ALKBH8: variants seen among roughly 807,000 people sequenced by gnomAD.
ALKBH8 encodes alkB homolog 8, tRNA methyltransferase.
Under a neutral mutation model 59.8 loss-of-function variants are expected in ALKBH8, and 36 were observed. The observed-to-expected ratio is 0.60, with a 90% confidence interval of 0.46 to 0.79. The LOEUF is 0.79. ALKBH8 is among the 30% of genes least tolerant of loss of function. The probability of loss-of-function intolerance (pLI) is 0.00; values close to 1 mark genes in which losing one functional copy is unlikely to be tolerated. For synonymous variants in ALKBH8, 276 were observed against 273.6 expected (o/e 1.01, Z -0.09); for missense variants, 768 against 801.0 (o/e 0.96, Z 0.50).
chr11:107,550,812 A>G (rs1258679914), intron 6 of ALKBH8, among the ~76,000 whole-genome samples: 1 of 152,196 alleles, frequency 6.6e-6, no homozygotes, highest in East Asian at 1.9e-4. Context: ...GCACATGCAC[A>G]CACAGAGAAA....
chr11:107,543,226 G>T (rs999298410), intron 7 of ALKBH8, among the ~76,000 whole-genome samples: 6 of 151,842 alleles, frequency 4.0e-5, no homozygotes, highest in African/African-American at 1.5e-4. Context: ...AATCCCAGCT[G>T]CTTGGAAGGC....
At position 107,525,455 on chromosome 11, in the gene ALKBH8, G is replaced by C. The variant is rs1415860409; in HGVS notation, c.1016C>G (p.Thr339Arg). Residue 339 changes from threonine (T) to arginine (R), a missense_variant, in exon 9 of 12, where the codon ACA becomes AGA. Transcript: ENST00000428149. ...TATATACTTACTACAGTTACAAGGT[G>C]TTTGCCTCACTTTCCTAAATGTAAA... ...TSFTFRKVRQTPCNCSYPLVC... is the reference protein window; with the variant it reads ...TSFTFRKVRQRPCNCSYPLVC... 6.5e-7 allele frequency: 1 copy of C among 1,544,938 alleles called. No individual in the cohort carries two copies. The highest frequency in any genetic ancestry group is 1.4e-5 in the African/African-American group (1 of 72,312).
At position 107,504,220 on chromosome 11, in the gene ALKBH8, G is replaced by A. The variant is rs921264497; in HGVS notation, c.*438C>T. 4 of 395,270 alleles carry A rather than the reference G, an allele frequency of 1.0e-5. No homozygotes were observed. The highest frequency in any genetic ancestry group is 8.4e-5 in the African/African-American group (4 of 47,682). The allele number at this position is 395,270 out of a possible 1,614,324, so 24.5% of individuals were successfully genotyped here. A position where few individuals can be genotyped will look rare whatever the true frequency, so the allele number is the denominator to read the frequency against. On this transcript the variant is annotated 3_prime_UTR_variant, in exon 12 of 12. Transcript: ENST00000428149. The stretch of plus-strand genomic sequence containing the variant: ...TGGAAATAGAATGGTTATTGTCTAT[G>A]ATTTTACAGAGCTAAAAATCATAGG...
chr11:107,512,449 G>A (rs1284854734), intron 10 of ALKBH8, among the ~76,000 whole-genome samples: 1 of 151,996 alleles, frequency 6.6e-6, no homozygotes, highest in East Asian at 1.9e-4. Flanking sequence ...AAGTAGCTGG[G>A]GGTACAGGTG....
chr11:107,518,083 C>G (rs689199), intron 10 of ALKBH8, among the ~76,000 whole-genome samples: 145,588 of 152,212 alleles, frequency 0.96, 69,803 homozygotes, highest in African/African-American at 0.99. Flanking sequence ...AAATAAAATA[C>G]AGAAAAAATA....
chr11:107,512,805 A>C lies in ALKBH8; in HGVS notation c.1288-1769T>G, dbSNP rs547315951. ...CTGATCCTCAGCCCTTCTGAGAATA[A>C]AGACTATGAATGCTCATATCAAAAC... On this transcript the variant is annotated intron_variant, in intron 10 of 11. Coordinates refer to ENST00000428149, the MANE Select transcript of ALKBH8 (RefSeq NM_138775.3). Among the ~76,000 whole-genome samples the C allele has an allele frequency of 8.5e-5, 13 of 152,294 alleles. No individual in the cohort carries two copies. The South Asian group carries it at 2.7e-3, about 32-fold the overall frequency.
chr11:107,525,524 T>C lies in ALKBH8; in HGVS notation c.947A>G (p.Asp316Gly). The stretch of plus-strand genomic sequence containing the variant: ...CTTGCTTAAAGTTAAGTCTCCAACA[T>C]CACTGGTGATAATTCCACTTTTAAG... ...ESLKSGIITS[D>G]VGDLTLSKRG... The change falls in exon 9 of 12, where the codon GAT becomes GGT. Residue 316 changes from aspartate (D) to glycine (G), a missense_variant. Physicochemically the swap from Asp to Gly is moderately conservative, Grantham distance 94. Transcript: ENST00000428149. 6.5e-7 allele frequency: 1 copy of C among 1,536,786 alleles called. No homozygotes were observed. The highest frequency in any genetic ancestry group is 8.8e-7 in the Non-Finnish European group (1 of 1,141,102).
In ALKBH8 at chr11:107,504,230, A is replaced by C; in HGVS notation, c.*428T>G. On this transcript the variant is annotated 3_prime_UTR_variant, in exon 12 of 12. Coordinates refer to ENST00000428149, the MANE Select transcript of ALKBH8 (RefSeq NM_138775.3). ...ATGGTTATTGTCTATGATTTTACAG[A>C]GCTAAAAATCATAGGTAAAACTTCA... 2.4e-6 allele frequency: 1 copy of C among 415,222 alleles called. No homozygotes were observed. Among genetic ancestry groups the C allele is most frequent in the Non-Finnish European group, 4.2e-6 (1 of 236,976 alleles). The allele number at this position is 415,222 out of a possible 1,614,324, so 25.7% of individuals were successfully genotyped here.
intron 7 of ALKBH8, among the ~76,000 whole-genome samples, chr11:107,544,806 A>G (rs1159297865): frequency 1.4e-5 from 2 of 140,830 alleles, no homozygotes; most frequent in African/African-American, 5.3e-5. Flanking sequence ...CCATGGCTTT[A>G]GATACAAACC....
In ALKBH8 at chr11:107,505,143, A is replaced by G; in HGVS notation, c.1510T>C (p.Trp504Arg). 1 of 1,551,356 alleles carries G rather than the reference A, an allele frequency of 6.4e-7. No individual in the cohort carries two copies. Among genetic ancestry groups the G allele is most frequent in the Non-Finnish European group, 8.7e-7 (1 of 1,146,934 alleles). Reference protein sequence around the residue: ...RPGGKALIYVWAMEQEYNKQK... With the variant: ...RPGGKALIYVRAMEQEYNKQK... Reference sequence around the variant, plus strand: ...TTATTATATTCTTGTTCCATTGCCCAGACATAAATGAGTGCCTTCCCACCT... The same window carrying G: ...TTATTATATTCTTGTTCCATTGCCCGGACATAAATGAGTGCCTTCCCACCT... The change falls in exon 12 of 12, where the codon TGG (tryptophan) becomes CGG (arginine). Residue 504 changes from tryptophan to arginine, a missense_variant. Trp to Arg is a moderately radical substitution (Grantham distance 101). Transcript: ENST00000428149.
chr11:107,518,326 C>T (rs913858797), intron 10 of ALKBH8, among the ~76,000 whole-genome samples: 8 of 152,298 alleles, frequency 5.3e-5, no homozygotes, highest in African/African-American at 1.7e-4. Flanking sequence ...CTCAGAGTCT[C>T]ACTCTGTCAC....
chr11:107,510,719 T>C (rs1452835188), intron 11 of ALKBH8, among the ~76,000 whole-genome samples, 168 bp downstream of exon 11: 1 of 152,180 alleles, frequency 6.6e-6, no homozygotes, highest in Non-Finnish European at 1.5e-5. Flanking sequence ...ACTTAAACAG[T>C]TGCCCATCTT....
intron 11 of ALKBH8, among the ~76,000 whole-genome samples, chr11:107,507,040 A>T (rs958538079): frequency 6.6e-6 from 1 of 152,176 alleles, no homozygotes; most frequent in South Asian, 2.1e-4. Flanking sequence ...AATGTCAGAG[A>T]TACATGTTGT....
At chr11:107,564,294 T>C (rs1396015152) in intron 1 of ALKBH8, among the ~76,000 whole-genome samples, 1 of 152,162 alleles carries the variant, frequency 6.6e-6, no homozygotes, top group Admixed American at 6.5e-5. Context: ...ATGTACATCA[T>C]GCCCTCCTTG....
intron 11 of ALKBH8, among the ~76,000 whole-genome samples, chr11:107,510,227 CTATAAAGCT>C (rs1469464370): frequency 3.9e-5 from 6 of 152,114 alleles, no homozygotes; most frequent in Non-Finnish European, 8.8e-5. Flanking sequence ...ATAAGGTGAG[CTATAAAGCT>C]ATTGCATAAA....
Position 107,535,934 on chromosome 11 carries a change from G to T in ALKBH8, c.772-3528C>A, listed in dbSNP as rs144944358. On this transcript the variant is annotated intron_variant, in intron 7 of 11. Coordinates refer to ENST00000428149, the MANE Select transcript of ALKBH8 (RefSeq NM_138775.3). ...TGTTCTAAGAAACACAAGCAATCAA[G>T]TGTTAAATTAAATTTAGCCTAAAGT... Among the ~76,000 whole-genome samples the T allele has an allele frequency of 8.3e-4, 127 of 152,294 alleles. 1 individual carries two copies. The highest frequency in any genetic ancestry group is 6.8e-3 in the Middle Eastern group (2 of 294).
At chr11:107,559,975 C>CA (rs1431814350) in intron 2 of ALKBH8, among the ~76,000 whole-genome samples, 1 of 151,990 alleles carries the variant, frequency 6.6e-6, no homozygotes, top group African/African-American at 2.4e-5. Flanking sequence ...CTTTATGAGC[C>CA]AAAAAGATAA....
intron 8 of ALKBH8, among the ~76,000 whole-genome samples, chr11:107,527,080 A>G (rs1863387704): frequency 6.6e-6 from 1 of 151,908 alleles, no homozygotes; most frequent in Non-Finnish European, 1.5e-5. Flanking sequence ...CAATTTTGTC[A>G]AAAAAAGAAA....
chr11:107,515,257 T>C (rs1475400379), intron 10 of ALKBH8, among the ~76,000 whole-genome samples: 3 of 152,224 alleles, frequency 2.0e-5, no homozygotes, highest in Non-Finnish European at 4.4e-5. Context: ...AGAAAATGGC[T>C]TGATAAAAAC....
Sources: gnomAD v4.1 joint callset for allele counts (sites outside exome capture counted in the v4.1 genomes callset) on GRCh38, gnomAD v4.1.1 for gene constraint, MANE v1.5 for transcripts, NCBI Gene and HGNC (gene_info 2026-07-23, HGNC 2026-07-21) for gene names.